The following CIRSR variants were observed in gnomAD, a reference collection of about 807,000 sequenced individuals.
The protein encoded by CIRSR is CBF1 (RBPJ) interacting corepressor 1.
At chr2:174,395,436 C>A in the CIRSR span, 1 of 1,037,660 alleles carries the variant, frequency 9.6e-7, no homozygotes, top group South Asian at 1.4e-5. Flanking sequence ...GGCTTTAGGC[C>A]TAGAGAAGCG....
At chr2:174,384,803 A>T in the CIRSR span, among the ~76,000 whole-genome samples, 2 of 152,256 alleles carry the variant, frequency 1.3e-5, no homozygotes, top group Non-Finnish European at 2.9e-5. Context: ...GACATATATA[A>T]AATAAAAGGT....
At chr2:174,351,636 C>G in the CIRSR span, 1 of 1,612,676 alleles carries the variant, frequency 6.2e-7, no homozygotes, top group East Asian at 2.2e-5. Context: ...GGATCATTTG[C>G]GGTCAAGTTT....
the CIRSR span, chr2:174,370,104 T>C: frequency 2.3e-6 from 3 of 1,318,882 alleles, no homozygotes; most frequent in Non-Finnish European, 3.0e-6. Flanking sequence ...ACTGCTGGTG[T>C]AGAGCTGAGT....
At chr2:174,362,685 T>TAA in the CIRSR span, among the ~76,000 whole-genome samples, 8 of 83,964 alleles carry the variant, frequency 9.5e-5, 1 homozygote, top group African/African-American at 1.6e-4. Flanking sequence ...AGACTCTGCC[T>TAA]CAAAAAAAAA....
At chr2:174,380,769 G>A in the CIRSR span, 7 of 1,601,350 alleles carry the variant, frequency 4.4e-6, no homozygotes, top group Non-Finnish European at 5.1e-6. Flanking sequence ...ACAATCAACT[G>A]CAAGTAAATT....
At chr2:174,384,343 A>ACCCC in the CIRSR span, among the ~76,000 whole-genome samples, 2 of 152,220 alleles carry the variant, frequency 1.3e-5, no homozygotes, top group Admixed American at 1.3e-4. Context: ...AGAAAGTAGA[A>ACCCC]TGGTGGTTGC....
At chr2:174,349,157 C>T in the CIRSR span, 3 of 1,454,026 alleles carry the variant, frequency 2.1e-6, no homozygotes, top group Non-Finnish European at 2.7e-6. Context: ...TTTTCTTCTC[C>T]AGTCGATCTA....
chr2:174,369,972 T>C, the CIRSR span: 10 of 1,364,510 alleles, frequency 7.3e-6, no homozygotes, highest in Non-Finnish European at 9.8e-6. Context: ...ATAGATTTGC[T>C]CAGCACAGGC....
chr2:174,380,318 C>A, the CIRSR span: 4 of 1,141,706 alleles, frequency 3.5e-6, no homozygotes, highest in South Asian at 4.6e-5. Flanking sequence ...AGCAGTTAAT[C>A]AGAAAAATAG....
At chr2:174,351,858 C>A in the CIRSR span, 1 of 538,716 alleles carries the variant, frequency 1.9e-6, no homozygotes, top group Non-Finnish European at 3.1e-6. Flanking sequence ...TTCTGCTGAG[C>A]AAATAATCAG....
the CIRSR span, chr2:174,380,203 T>C: frequency 6.3e-7 from 1 of 1,591,218 alleles, no homozygotes; most frequent in African/African-American, 1.3e-5. Context: ...GTCACTTGCC[T>C]GAATACCAAA....
At chr2:174,381,584 T>C in the CIRSR span, 1 of 644,826 alleles carries the variant, frequency 1.6e-6, no homozygotes, top group Non-Finnish European at 2.6e-6. Flanking sequence ...ACTCAGGAGG[T>C]GGATGGAGGT....
At chr2:174,349,421 T>C in the CIRSR span, among the ~76,000 whole-genome samples, 3 of 151,882 alleles carry the variant, frequency 2.0e-5, no homozygotes, top group African/African-American at 7.3e-5. Flanking sequence ...AAAAATTAGC[T>C]GGGCATGGTG....
the CIRSR span, among the ~76,000 whole-genome samples, chr2:174,351,015 TG>T: frequency 2.6e-5 from 4 of 152,180 alleles, no homozygotes; most frequent in African/African-American, 7.2e-5. Context: ...ACAGATAAAA[TG>T]TTTAGAGCAT....
chr2:174,380,768 T>C, the CIRSR span: 3 of 1,603,652 alleles, frequency 1.9e-6, no homozygotes, highest in South Asian at 1.1e-5. Context: ...TACAATCAAC[T>C]GCAAGTAAAT....
the CIRSR span, among the ~76,000 whole-genome samples, chr2:174,365,644 CAA>C: frequency 1.3e-5 from 2 of 152,190 alleles, no homozygotes; most frequent in African/African-American, 2.4e-5. Context: ...TGGCAGCAGG[CAA>C]AGAGAGAAAG....
chr2:174,391,693 A>T, the CIRSR span, among the ~76,000 whole-genome samples: 1 of 152,250 alleles, frequency 6.6e-6, no homozygotes, highest in Non-Finnish European at 1.5e-5. Flanking sequence ...GTAATATTTT[A>T]ATAACAGGCT....
At chr2:174,380,744 A>G in the CIRSR span, 7 of 1,608,802 alleles carry the variant, frequency 4.4e-6, no homozygotes, top group East Asian at 1.6e-4. Flanking sequence ...AATTCTTTTA[A>G]TTTTTCCATA....
chr2:174,350,669 TTC>T, the CIRSR span: 1 of 1,596,686 alleles, frequency 6.3e-7, no homozygotes, highest in Non-Finnish European at 8.5e-7. Flanking sequence ...CCTGAGAAGT[TTC>T]TGTTTTTGTT....
Sources: gnomAD v4.1 joint callset for allele counts (sites outside exome capture counted in the v4.1 genomes callset) on GRCh38, gnomAD v4.1.1 for gene constraint, MANE v1.5 for transcripts, NCBI Gene and HGNC (gene_info 2026-07-23, HGNC 2026-07-21) for gene names.